ADK: variants seen among roughly 807,000 people sequenced by gnomAD.
The protein encoded by ADK is adenosine kinase.
In ADK, 24 loss-of-function variants were observed where a neutral mutation model predicts 44.7. That is an observed-to-expected ratio of 0.54 (90% CI 0.39 to 0.76). The LOEUF (loss-of-function observed/expected upper bound fraction) is 0.76. ADK is among the 30% of genes least tolerant of loss of function. The pLI is 0.00. For synonymous variants in ADK, 128 were observed against 142.6 expected (o/e 0.90, Z 0.73); for missense variants, 321 against 425.1 (o/e 0.76, Z 2.15).
At chr10:74,347,357 G>C (rs1041498993) in intron 4 of ADK, among the ~76,000 whole-genome samples, 1 of 151,892 alleles carries the variant, frequency 6.6e-6, no homozygotes, top group African/African-American at 2.4e-5. Flanking sequence ...CCCAGCCAAG[G>C]GAAGCCATGA....
At chr10:74,343,392 A>G (rs1427652128) in intron 4 of ADK, among the ~76,000 whole-genome samples, 1 of 152,222 alleles carries the variant, frequency 6.6e-6, no homozygotes, top group African/African-American at 2.4e-5. Flanking sequence ...TAAGAAAATC[A>G]TGAGAGAAAA....
chr10:74,662,749 T>C (rs563677816), intron 9 of ADK, among the ~76,000 whole-genome samples: 2 of 152,316 alleles, frequency 1.3e-5, no homozygotes, highest in African/African-American at 2.4e-5. Context: ...TTGTTGCTAG[T>C]CTGGGGCCTC....
In ADK at chr10:74,600,432, C is replaced by T; in HGVS notation, c.816C>T (p.Asn272=). The T allele has an allele frequency of 6.2e-7, 1 of 1,611,244 alleles. No homozygotes were observed. The highest frequency in any genetic ancestry group is 2.2e-5 in the East Asian group (1 of 44,614). ...AGACACAAGCCCTGCCAAAGATGAA[C>T]TCAAAGAGGCAGCGAATCGTGATCT... ...AKKTQALPKM[N]SKRQRIVIFT... The change falls in exon 9 of 11, where the codon AAC becomes AAT. Residue 272 remains asparagine (N), a synonymous_variant. Coordinates refer to ENST00000539909, the MANE Select transcript of ADK (RefSeq NM_006721.4).
chr10:74,609,582 G>A (rs1852466897), intron 9 of ADK, among the ~76,000 whole-genome samples: 1 of 151,988 alleles, frequency 6.6e-6, no homozygotes, highest in Non-Finnish European at 1.5e-5. Context: ...TGTCTAATCA[G>A]TCCCAATGAG....
chr10:74,434,174 C>T (rs1252863023), intron 6 of ADK, among the ~76,000 whole-genome samples: 1 of 151,584 alleles, frequency 6.6e-6, no homozygotes, highest in Non-Finnish European at 1.5e-5. Flanking sequence ...GGAATTCTTC[C>T]TAAATAGTGA....
intron 9 of ADK, among the ~76,000 whole-genome samples, chr10:74,619,903 T>A (rs539884812): frequency 6.6e-6 from 1 of 152,200 alleles, no homozygotes; most frequent in African/African-American, 2.4e-5. Flanking sequence ...TTTATTTTTA[T>A]TAGAGATGAG....
intron 6 of ADK, among the ~76,000 whole-genome samples, chr10:74,511,926 GT>G (rs1217904826): frequency 6.6e-6 from 1 of 152,128 alleles, no homozygotes; most frequent in Non-Finnish European, 1.5e-5. Flanking sequence ...CTAGCTGTGA[GT>G]TTGTCATGTT....
intron 6 of ADK, among the ~76,000 whole-genome samples, chr10:74,410,377 G>A (rs1844127020): frequency 6.6e-6 from 1 of 151,974 alleles, no homozygotes; most frequent in African/African-American, 2.4e-5. Flanking sequence ...TTTTAAAAAA[G>A]GTAAGTATTA....
intron 3 of ADK, among the ~76,000 whole-genome samples, chr10:74,299,802 C>T (rs943108874): frequency 3.3e-5 from 5 of 151,756 alleles, no homozygotes; most frequent in Non-Finnish European, 7.4e-5. Context: ...GTATTATCAA[C>T]AGTGAACTTC....
intron 9 of ADK, among the ~76,000 whole-genome samples, chr10:74,646,811 G>T (rs1854070250): frequency 6.6e-6 from 1 of 152,196 alleles, no homozygotes. Context: ...TCTCACAAGA[G>T]AGCAGGAAAA....
chr10:74,340,752 C>CT lies in ADK; in HGVS notation c.273+26015dup, dbSNP rs964126462. The stretch of plus-strand genomic sequence containing the variant: ...AGAGACTTATTTTTCACTCAGTATA[C>CT]TTTTTTTTACTGTTTTAATTGTCTA... On this transcript the variant is annotated intron_variant, in intron 4 of 10. Coordinates refer to ENST00000539909, the MANE Select transcript of ADK (RefSeq NM_006721.4). Among the ~76,000 whole-genome samples the CT allele has an allele frequency of 3.9e-5, 6 of 151,992 alleles. No individual in the cohort carries two copies. In the South Asian group the frequency reaches 6.2e-4, roughly 16 times the overall value.
chr10:74,181,214 C>T (rs1183895672), intron 1 of ADK, among the ~76,000 whole-genome samples: 5 of 151,976 alleles, frequency 3.3e-5, no homozygotes, highest in African/African-American at 7.3e-5. Flanking sequence ...GCATTCAACT[C>T]TGAGGAATTC....
intron 6 of ADK, among the ~76,000 whole-genome samples, chr10:74,491,270 A>AT (rs1421143557): frequency 6.6e-6 from 1 of 151,966 alleles, no homozygotes; most frequent in East Asian, 1.9e-4. Context: ...ACAATTTATT[A>AT]TTTTTTATTT....
intron 4 of ADK, among the ~76,000 whole-genome samples, chr10:74,355,364 A>G (rs1416690999): frequency 6.6e-6 from 1 of 152,250 alleles, no homozygotes; most frequent in Non-Finnish European, 1.5e-5. Flanking sequence ...GAATAATGAA[A>G]TGACCCAAAG....
chr10:74,383,005 A>C (rs184689377), intron 4 of ADK, among the ~76,000 whole-genome samples: 165 of 152,036 alleles, frequency 1.1e-3, no homozygotes, highest in African/African-American at 3.9e-3. Context: ...CCTGGACTTC[A>C]AGCAGACTAA....
rs183672819 is a variant in ADK at position 74,188,173 on chromosome 10, C to T, written c.66-12591C>T. ...AGTTGTTATAAAGTTCATAAAATTT[C>T]CTAATATTCTGTTATTGCCTGTATG... On this transcript the variant is annotated intron_variant, in intron 1 of 10. Transcript: ENST00000539909. Among the ~76,000 whole-genome samples the T allele has an allele frequency of 6.2e-3, 938 of 152,064 alleles. 3 individuals are homozygous for T. The highest frequency in any genetic ancestry group is 8.8e-3 in the Non-Finnish European group (597 of 67,978).
intron 7 of ADK, among the ~76,000 whole-genome samples, chr10:74,559,934 A>AC (rs1186254796): frequency 4.0e-5 from 6 of 149,316 alleles, no homozygotes; most frequent in Non-Finnish European, 8.9e-5. Context: ...TTGTCCATTG[A>AC]CTTTTTTTTT....
At chr10:74,179,231 C>A (rs1842452825) in intron 1 of ADK, among the ~76,000 whole-genome samples, 1 of 152,140 alleles carries the variant, frequency 6.6e-6, no homozygotes, top group South Asian at 2.1e-4. Flanking sequence ...TCCTGGTGAA[C>A]ACTACATTTA....
intron 3 of ADK, among the ~76,000 whole-genome samples, chr10:74,225,147 G>C (rs1214936009): frequency 6.6e-6 from 1 of 152,076 alleles, no homozygotes; most frequent in Non-Finnish European, 1.5e-5. Context: ...GCGCAATCTC[G>C]GCTCATTGCA....
Sources: gnomAD v4.1 joint callset for allele counts (sites outside exome capture counted in the v4.1 genomes callset) on GRCh38, gnomAD v4.1.1 for gene constraint, MANE v1.5 for transcripts, NCBI Gene and HGNC (gene_info 2026-07-23, HGNC 2026-07-21) for gene names.